The following SATB1 variants were observed in gnomAD, a reference collection of about 807,000 sequenced individuals.
SATB1 encodes SATB homeobox 1.
SATB1 carries 11 observed loss-of-function variants against 86.9 expected under a neutral mutation model. The ratio of observed to expected loss-of-function variants is 0.13; its 90% CI spans 0.08 to 0.21. SATB1 has a LOEUF of 0.21. Among genes scored for constraint, SATB1 ranks in the 10% least tolerant of loss-of-function variants. SATB1 has a pLI of 1.00. For missense variants in SATB1, 551 were observed against 937.6 expected (o/e 0.59, Z 5.39); for synonymous variants, 357 against 357.2 (o/e 1.00, Z 0.01).
intron 7 of SATB1, among the ~76,000 whole-genome samples, chr3:18,389,064 G>A (rs1696493161): frequency 6.6e-6 from 1 of 152,008 alleles, no homozygotes; most frequent in African/African-American, 2.4e-5. Context: ...TTTGATGTTG[G>A]TGTGACTTCC....
Position 18,421,009 on chromosome 3 carries a change from G to T in SATB1, c.-24-18C>A. 6.3e-7 allele frequency: 1 copy of T among 1,592,088 alleles called. No homozygotes were observed. The highest frequency in any genetic ancestry group is 8.6e-7 in the Non-Finnish European group (1 of 1,160,368). ...AAGATCACCTGCCAGAATTTAAAAA[G>T]AAGACACGTTATAGTTGGGCGGGGA... On this transcript the variant is annotated intron_variant, in intron 1 of 10. Coordinates refer to ENST00000338745, the MANE Select transcript of SATB1 (RefSeq NM_002971.6).
At chr3:18,373,527 AT>A (rs975402701) in intron 9 of SATB1, among the ~76,000 whole-genome samples, 2 of 152,322 alleles carry the variant, frequency 1.3e-5, no homozygotes, top group South Asian at 4.1e-4. Context: ...TGAAAATTAC[AT>A]TTTTAGCCCT....
At chr3:18,397,989 G>A (rs1697052469) in intron 5 of SATB1, among the ~76,000 whole-genome samples, 2 of 152,044 alleles carry the variant, frequency 1.3e-5, no homozygotes, top group Admixed American at 6.6e-5. Flanking sequence ...TCTTATTACT[G>A]GCTTCATCAA....
chr3:18,423,187 T>C (rs1472440755), intron 1 of SATB1, among the ~76,000 whole-genome samples: 2 of 152,158 alleles, frequency 1.3e-5, no homozygotes, highest in Non-Finnish European at 2.9e-5. Context: ...GAAGAGTTTC[T>C]TTTGAGTTAC....
At chr3:18,387,953 A>G (rs1033192698) in intron 7 of SATB1, among the ~76,000 whole-genome samples, 3 of 152,190 alleles carry the variant, frequency 2.0e-5, no homozygotes, top group African/African-American at 4.8e-5. Flanking sequence ...CAGACAATAC[A>G]AAAGTACTGA....
chr3:18,443,446 G>A (rs1203851025), upstream of SATB1, among the ~76,000 whole-genome samples: 1 of 152,248 alleles, frequency 6.6e-6, no homozygotes, highest in African/African-American at 2.4e-5. The surrounding 1 kb of genome is among the most constrained non-coding windows in gnomAD (Gnocchi z 4.4). Flanking sequence ...AGTTCGCCAA[G>A]GAAGGGCGCA....
chr3:18,381,216 T>C (rs1696042543), intron 8 of SATB1, among the ~76,000 whole-genome samples: 1 of 152,226 alleles, frequency 6.6e-6, no homozygotes, highest in East Asian at 1.9e-4. Flanking sequence ...TCTTCATGGA[T>C]TGCTGTATGC....
chr3:18,376,580 G>T (rs980781415), intron 9 of SATB1, among the ~76,000 whole-genome samples: 4 of 138,144 alleles, frequency 2.9e-5, no homozygotes, highest in Non-Finnish European at 1.6e-5. Flanking sequence ...GCAAGTAGGT[G>T]GGGGGGGGGA....
intron 2 of SATB1, among the ~76,000 whole-genome samples, chr3:18,436,506 CA>C (rs71055011): frequency 0.81 from 92,502 of 113,796 alleles, 36,921 homozygotes; most frequent in Admixed American, 0.86. Flanking sequence ...CAGGTGCTAC[CA>C]AAAAAAAAAA....
chr3:18,422,884 G>A (rs1379182233), intron 1 of SATB1, among the ~76,000 whole-genome samples: 5 of 152,176 alleles, frequency 3.3e-5, no homozygotes, highest in Non-Finnish European at 5.9e-5. Context: ...GCAAATGAAA[G>A]TGATACATTA....
chr3:18,425,030 GCCC>G lies in SATB1; in HGVS notation c.-1431_-1429del, dbSNP rs1269147038. ...AGCTCTACCCCTCGCTGCCGTCTCTGCCCCCATTAAATTATTAGTTGACTCATC... is the reference window on the plus strand; with the variant it reads ...AGCTCTACCCCTCGCTGCCGTCTCTGCCATTAAATTATTAGTTGACTCATC... On this transcript the variant is annotated 5_prime_UTR_variant, in exon 1 of 11. Transcript: ENST00000338745. 1 of 157,148 alleles carries G rather than the reference GCCC, an allele frequency of 6.4e-6. No individual in the cohort carries two copies. Among genetic ancestry groups the G allele is most frequent in the Non-Finnish European group, 1.4e-5 (1 of 71,512 alleles). 9.7% of individuals were successfully genotyped at this position (157,148 alleles called of 1,614,324 possible).
chr3:18,427,306 C>T (rs1257171857), upstream of SATB1, among the ~76,000 whole-genome samples: 1 of 152,152 alleles, frequency 6.6e-6, no homozygotes, highest in Non-Finnish European at 1.5e-5. Context: ...GCCTTGTTTT[C>T]AGTAGGGACT....
chr3:18,370,560 GA>G (rs1384148739), intron 9 of SATB1, among the ~76,000 whole-genome samples: 2,324 of 72,410 alleles, frequency 0.032, 39 homozygotes, highest in African/African-American at 0.056. Context: ...AAAGAAAAAA[GA>G]AAAAGAAAAG....
intron 1 of SATB1, among the ~76,000 whole-genome samples, chr3:18,437,379 C>T (rs74813930): frequency 6.6e-6 from 1 of 151,940 alleles, no homozygotes; most frequent in Non-Finnish European, 1.5e-5. Flanking sequence ...TAGTAGAAAA[C>T]CTTTCATAAT....
chr3:18,405,950 T>C (rs925289723), intron 5 of SATB1, among the ~76,000 whole-genome samples: 3 of 152,042 alleles, frequency 2.0e-5, no homozygotes, highest in South Asian at 2.1e-4. Context: ...ATCAATATTA[T>C]GAAAATCCTT....
At chr3:18,445,373 G>T (rs1166446508) in intron 1 of SATB1, 2 of 984,908 alleles carry the variant, frequency 2.0e-6, no homozygotes, top group African/African-American at 3.5e-5. Flanking sequence ...CGGCGGGCCG[G>T]AGGGGCGAGG....
upstream of SATB1, among the ~76,000 whole-genome samples, chr3:18,427,860 G>A (rs1698762262): frequency 6.6e-6 from 1 of 152,050 alleles, no homozygotes. Flanking sequence ...TTTCCCTCAA[G>A]CACATTTTTT....
chr3:18,401,514 A>ATT (rs1274519101), intron 5 of SATB1, among the ~76,000 whole-genome samples: 8 of 152,136 alleles, frequency 5.3e-5, no homozygotes, highest in African/African-American at 1.9e-4. Context: ...AAGCACTTTG[A>ATT]AAAAGACACA....
intron 7 of SATB1, among the ~76,000 whole-genome samples, chr3:18,387,648 C>A (rs1352400944): frequency 6.6e-6 from 1 of 152,122 alleles, no homozygotes; most frequent in Non-Finnish European, 1.5e-5. Flanking sequence ...TAATCTTGTA[C>A]ATGAAATAAT....
Sources: allele counts gnomAD v4.1 joint callset (sites outside exome capture counted in the v4.1 genomes callset), GRCh38; gene constraint gnomAD v4.1.1; non-coding constraint Gnocchi (gnomAD v3.1); transcripts MANE v1.5; gene names NCBI Gene and HGNC (gene_info 2026-07-23, HGNC 2026-07-21).